The following CAPRIN1 variants were observed in gnomAD, a reference collection of about 807,000 sequenced individuals.
CAPRIN1 encodes caprin-1.
In CAPRIN1, 29 loss-of-function variants were observed where a neutral mutation model predicts 100.9. The observed-to-expected ratio is 0.29, with a 90% confidence interval of 0.21 to 0.39. CAPRIN1 has a LOEUF of 0.39. Ranked by LOEUF, CAPRIN1 falls within the 10% of genes least tolerant of loss-of-function variation. CAPRIN1 has a pLI of 1.00. For missense variants in CAPRIN1, 795 were observed against 876.7 expected, an observed-to-expected ratio of 0.91 and a Z score of 1.18; for synonymous variants, 338 against 307.5, an observed-to-expected ratio of 1.10 and a Z score of -1.04.
At position 34,089,462 on chromosome 11, in the gene CAPRIN1, A is replaced by C; in HGVS notation, c.1293+6A>C. On this transcript the variant is annotated splice_donor_region_variant and intron_variant, in intron 12 of 18. Coordinates refer to ENST00000341394, the MANE Select transcript of CAPRIN1 (RefSeq NM_005898.5). Reference sequence around the variant, plus strand: ...TACAACCAGAAGCGACACAGGTAAGAGTGATAAAACTATTTTCTTCAGGGC... The same window carrying C: ...TACAACCAGAAGCGACACAGGTAAGCGTGATAAAACTATTTTCTTCAGGGC... 1 of 1,577,770 alleles carries C rather than the reference A, an allele frequency of 6.3e-7. No individual in the cohort carries two copies. Among genetic ancestry groups the C allele is most frequent in the Admixed American group, 1.7e-5 (1 of 58,976 alleles).
chr11:34,061,094 G>A, intron 2 of CAPRIN1, among the ~76,000 whole-genome samples: 1 of 151,758 alleles, frequency 6.6e-6, no homozygotes, highest in Admixed American at 6.6e-5. Flanking sequence ...TTACAGGATT[G>A]GCTTTTATCT....
intron 11 of CAPRIN1, among the ~76,000 whole-genome samples, chr11:34,087,555 G>A (rs937544976): frequency 6.7e-6 from 1 of 149,864 alleles, no homozygotes. Context: ...GGATGGTCTC[G>A]ATCTCCTGAC....
At chr11:34,052,327 G>T in intron 1 of CAPRIN1, 94 bp from the exon 2 acceptor site, 2 of 1,045,896 alleles carry the variant, frequency 1.9e-6, no homozygotes, top group Non-Finnish European at 2.8e-6. Flanking sequence ...ACCGCTCGCT[G>T]CGCGTTTTGT....
chr11:34,083,620 C>A (rs939817702), intron 9 of CAPRIN1, among the ~76,000 whole-genome samples: 1 of 152,206 alleles, frequency 6.6e-6, no homozygotes, highest in South Asian at 2.1e-4. Context: ...TGCCTTGTTA[C>A]CTGTAAGATA....
chr11:34,079,676 T>G lies in CAPRIN1; in HGVS notation c.737T>G (p.Phe246Cys). 1 of 1,614,066 alleles carries G rather than the reference T, an allele frequency of 6.2e-7. No individual in the cohort carries two copies. The highest frequency in any genetic ancestry group is 8.5e-7 in the Non-Finnish European group (1 of 1,179,990). ...GAGCGTGTTTTTCAGTCAAACTACT[T>G]TGACAGCACCCACAACCACCAGAAT... ...IVERVFQSNY[F>C]DSTHNHQNGL... is the part of the protein sequence containing the mutation. Residue 246 changes from phenylalanine (F) to cysteine (C), a missense_variant, in exon 7 of 19, where the codon TTT (phenylalanine) becomes TGT (cysteine). By Grantham distance (205) the Phe-to-Cys change is radical (BLOSUM62 -2). Coordinates refer to ENST00000341394, the MANE Select transcript of CAPRIN1 (RefSeq NM_005898.5).
Position 34,089,439 on chromosome 11 carries a change from C to A in CAPRIN1, c.1276C>A (p.Gln426Lys). 6.2e-7 allele frequency: 1 copy of A among 1,604,610 alleles called. No homozygotes were observed. The highest frequency in any genetic ancestry group is 8.5e-7 in the Non-Finnish European group (1 of 1,172,564). ...TGCTCAGCCTAATCAAGTTCCTGTA[C>A]AACCAGAAGCGACACAGGTAAGAGT... ...RLAQPNQVPV[Q>K]PEATQVPLVS... The change falls in exon 12 of 19, where the codon CAA (glutamine) becomes AAA (lysine). Residue 426 changes from glutamine to lysine, a missense_variant. Physicochemically the swap from Gln to Lys is moderately conservative, Grantham distance 53. Around this residue, in one of 3 missense-constraint regions of CAPRIN1, gnomAD observed 648 missense variants for 697.9 expected, o/e 0.93. Coordinates refer to ENST00000341394, the MANE Select transcript of CAPRIN1 (RefSeq NM_005898.5).
chr11:34,096,420 G>T, intron 15 of CAPRIN1, 59 bp from the exon 16 acceptor site: 1 of 1,285,776 alleles, frequency 7.8e-7, no homozygotes, highest in East Asian at 2.3e-5. Flanking sequence ...GAAAGTGCGT[G>T]GGAGAACAAA....
chr11:34,102,495 C>T lies in CAPRIN1; in HGVS notation c.*3128C>T, dbSNP rs1412346184. Among the ~76,000 whole-genome samples, 9 of 152,112 alleles carry T rather than the reference C, an allele frequency of 5.9e-5. No homozygotes were observed. Among genetic ancestry groups the T allele is most frequent in the East Asian group, 3.8e-4 (2 of 5,196 alleles). ...CGGGGAGGAAGACCCCTCAGGAAAA[C>T]GAAAGTAAATTGTTAAGGCTCATCT... On this transcript the variant is annotated 3_prime_UTR_variant, in exon 19 of 19. Coordinates refer to ENST00000341394, the MANE Select transcript of CAPRIN1 (RefSeq NM_005898.5).
chr11:34,098,871 C>G (rs1361597961), intron 18 of CAPRIN1: 3 of 991,956 alleles, frequency 3.0e-6, no homozygotes, highest in African/African-American at 1.7e-5. Context: ...TGTTTTCATT[C>G]TGGTGCTTTT....
Position 34,083,101 on chromosome 11 carries a change from C to T in CAPRIN1, c.966+60C>T. 2.8e-6 allele frequency: 3 copies of T among 1,089,348 alleles called. No individual in the cohort carries two copies. The South Asian group carries it at 3.8e-5, about 14-fold the overall frequency. The allele number at this position is 1,089,348 out of a possible 1,614,324, so 67.5% of individuals were successfully genotyped here. Reference sequence around the variant, plus strand: ...TGTCTTCAGTTAGTAATTTTTATCTCTACTGAGAACAAATTAAGATTGTTT... The same window carrying T: ...TGTCTTCAGTTAGTAATTTTTATCTTTACTGAGAACAAATTAAGATTGTTT... On this transcript the variant is annotated intron_variant, in intron 9 of 18. Coordinates refer to ENST00000341394, the MANE Select transcript of CAPRIN1 (RefSeq NM_005898.5).
At chr11:34,085,672 T>TGGGTGCCTGTAATCCC (rs1318328553) in intron 9 of CAPRIN1, among the ~76,000 whole-genome samples, 16 of 152,132 alleles carry the variant, frequency 1.1e-4, no homozygotes, top group African/African-American at 3.6e-4. Context: ...GGTGTGTTGA[T>TGGGTGCCTGTAATCCC]GGGTGCCTGT....
chr11:34,076,768 CTGT>C, intron 6 of CAPRIN1, 126 bp downstream of exon 6: 1 of 674,000 alleles, frequency 1.5e-6, no homozygotes. Context: ...AGAGTCTACT[CTGT>C]TGCCCAGGTT....
chr11:34,055,113 A>G (rs2134080030), intron 2 of CAPRIN1, among the ~76,000 whole-genome samples: 1 of 152,230 alleles, frequency 6.6e-6, no homozygotes, highest in East Asian at 1.9e-4. Flanking sequence ...GTGTATGTGA[A>G]TTACTATACT....
chr11:34,083,842 T>A (rs1175831058), intron 9 of CAPRIN1, among the ~76,000 whole-genome samples: 1 of 152,088 alleles, frequency 6.6e-6, no homozygotes, highest in Non-Finnish European at 1.5e-5. Flanking sequence ...CTGAGGCAGG[T>A]GGATCACATG....
chr11:34,058,737 A>C (rs1850509091), intron 2 of CAPRIN1, among the ~76,000 whole-genome samples: 1 of 152,224 alleles, frequency 6.6e-6, no homozygotes, highest in Non-Finnish European at 1.5e-5. Flanking sequence ...ATTGTAATGA[A>C]ATAAACTTTT....
chr11:34,096,348 T>C (rs1851367260), intron 15 of CAPRIN1, 131 bp from the exon 16 acceptor site: 9 of 607,848 alleles, frequency 1.5e-5, no homozygotes, highest in South Asian at 1.4e-4. Context: ...GTTTTTCTTA[T>C]CATTGTATGC....
At chr11:34,052,747 T>A in intron 2 of CAPRIN1, 111 bp downstream of exon 2, 2 of 1,409,030 alleles carry the variant, frequency 1.4e-6, no homozygotes, top group South Asian at 2.5e-5. Context: ...CGTTACTAGG[T>A]CCCCTCCTCC....
chr11:34,088,665 C>G (rs1180269950), intron 11 of CAPRIN1, among the ~76,000 whole-genome samples: 2 of 151,980 alleles, frequency 1.3e-5, no homozygotes, highest in Non-Finnish European at 2.9e-5. Context: ...ACAGTGAGAC[C>G]CTGTTTCAGA....
At chr11:34,055,274 C>T (rs1230187658) in intron 2 of CAPRIN1, among the ~76,000 whole-genome samples, 2 of 152,082 alleles carry the variant, frequency 1.3e-5, no homozygotes, top group East Asian at 3.8e-4. Context: ...AGTGATCCTC[C>T]CGCTTCAGCC....
Sources: gnomAD v4.1 joint callset for allele counts (sites outside exome capture counted in the v4.1 genomes callset) on GRCh38, gnomAD v4.1.1 for gene constraint, gnomAD v4.1.1 regional missense constraint, MANE v1.5 for transcripts, NCBI Gene and HGNC (gene_info 2026-07-23, HGNC 2026-07-21) for gene names.